Variants in LAMTOR5 observed in about 807,000 individuals in gnomAD.
The protein encoded by LAMTOR5 is ragulator complex protein LAMTOR5.
A neutral mutation model predicts 12.1 loss-of-function variants in LAMTOR5; 8 were observed. That is an observed-to-expected ratio of 0.66 (90% confidence interval 0.39 to 1.19). The LOEUF (loss-of-function observed/expected upper bound fraction) is 1.19. Among genes scored for constraint, LAMTOR5 ranks in the 50% most tolerant of loss-of-function variants. The pLI is 0.01. For missense variants in LAMTOR5, 110 were observed against 112.8 expected, an observed-to-expected ratio of 0.97 and a Z score of 0.11; for synonymous variants, 37 against 41.9, an observed-to-expected ratio of 0.88 and a Z score of 0.45.
chr1:110,406,595 T>G (rs948328512), intron 1 of LAMTOR5: 1 of 354,724 alleles, frequency 2.8e-6, no homozygotes. Context: ...GAGGCCCAGG[T>G]GGGCGGATCA....
chr1:110,401,259 T>G lies in LAMTOR5; in HGVS notation c.*264A>C, dbSNP rs943816142. The G allele has an allele frequency of 1.3e-5, 4 of 309,152 alleles. No homozygotes were observed. The highest frequency in any genetic ancestry group is 2.3e-5 in the Non-Finnish European group (4 of 170,476). 19.2% of individuals were successfully genotyped at this position (309,152 alleles called of 1,614,324 possible). On this transcript the variant is annotated 3_prime_UTR_variant, in exon 4 of 4. Transcript: ENST00000602318. Reference sequence around the variant, plus strand: ...AGAATCTAGAAAAGATCCATTTTCCTCCAAACAGATTTATTGAATACAGCA... The same window carrying G: ...AGAATCTAGAAAAGATCCATTTTCCGCCAAACAGATTTATTGAATACAGCA...
Position 110,403,928 on chromosome 1 carries a change from G to C in LAMTOR5, c.206C>G (p.Ser69Ter), listed in dbSNP as rs749912064. ...GCTGAAATCTACTCACCCATTATCTGATTCTAGACACACCACAGGAATATC... is the reference window on the plus strand; with the variant it reads ...GCTGAAATCTACTCACCCATTATCTCATTCTAGACACACCACAGGAATATC... ...PTDIPVVCLE[S>*]DNGNIMIQKH... The change falls in exon 3 of 4, where the codon TCA becomes TGA. Residue 69 changes from serine (S) to a stop codon, truncating the protein, a stop_gained. Coordinates refer to ENST00000602318, the MANE Select transcript of LAMTOR5 (RefSeq NM_001382293.1). LOFTEE classifies it high-confidence loss of function. The C allele has an allele frequency of 6.2e-7, 1 of 1,613,878 alleles. No homozygotes were observed. Among genetic ancestry groups the C allele is most frequent in the Admixed American group, 1.7e-5 (1 of 59,946 alleles).
At chr1:110,406,059 T>G (rs1663322687) in intron 2 of LAMTOR5, among the ~76,000 whole-genome samples, 1 of 152,252 alleles carries the variant, frequency 6.6e-6, no homozygotes. Context: ...AGACTCAATT[T>G]AAAATGATTC....
intron 1 of LAMTOR5, chr1:110,407,218 A>C: frequency 5.2e-6 from 3 of 578,212 alleles, no homozygotes; most frequent in Non-Finnish European, 6.2e-6. Flanking sequence ...GTGTTTGTTT[A>C]CACTGCAGGG....
chr1:110,403,763 G>A (rs779139203), intron 3 of LAMTOR5, 156 bp downstream of exon 3: 249 of 1,147,532 alleles, frequency 2.2e-4, no homozygotes, highest in Non-Finnish European at 2.8e-4. Context: ...ATTAGCTTTA[G>A]GGATCAACTT....
chr1:110,404,309 G>A (rs1663286774), intron 2 of LAMTOR5, among the ~76,000 whole-genome samples: 1 of 152,210 alleles, frequency 6.6e-6, no homozygotes, highest in South Asian at 2.1e-4. Context: ...TAATAGACAT[G>A]CCACTATGGC....
chr1:110,407,700 G>A (rs1570671797), upstream of LAMTOR5: 1 of 1,614,208 alleles, frequency 6.2e-7, no homozygotes, highest in African/African-American at 1.3e-5. Context: ...CACTTGACGC[G>A]AGCGGGGCGT....
chr1:110,402,028 G>A (rs758291345), intron 3 of LAMTOR5, among the ~76,000 whole-genome samples: 18 of 152,174 alleles, frequency 1.2e-4, no homozygotes, highest in Non-Finnish European at 2.5e-4. Flanking sequence ...ACATATGATG[G>A]TGGTCCCGTA....
intron 1 of LAMTOR5, chr1:110,407,208 G>A (rs186769163): frequency 9.9e-5 from 57 of 576,142 alleles, no homozygotes; most frequent in African/African-American, 9.7e-4. Flanking sequence ...CAGGAGATAC[G>A]TGTTTGTTTA....
intron 2 of LAMTOR5, among the ~76,000 whole-genome samples, chr1:110,405,504 G>T (rs1226795134): frequency 1.3e-5 from 2 of 151,886 alleles, no homozygotes; most frequent in Admixed American, 6.6e-5. Flanking sequence ...TATGTTTATT[G>T]TAAAAATAGA....
In LAMTOR5 at chr1:110,406,204, A is replaced by G. The variant is rs1213490782; in HGVS notation, c.97+114T>C. ...AGATAATCTCTACTCTCAAACTCAG[A>G]AAGACCTGGCAAGGTAACAGGAAAT... On this transcript the variant is annotated intron_variant, in intron 2 of 3. Transcript: ENST00000602318. The G allele has an allele frequency of 1.6e-5, 10 of 619,216 alleles. No homozygotes were observed. The East Asian group carries it at 2.5e-4, about 15-fold the overall frequency. 38.4% of individuals were successfully genotyped at this position (619,216 alleles called of 1,614,324 possible).
chr1:110,406,953 C>G, intron 1 of LAMTOR5: 1 of 625,058 alleles, frequency 1.6e-6, no homozygotes, highest in Non-Finnish European at 2.9e-6. Context: ...TGAAAAACAT[C>G]TAGGATGTTT....
intron 3 of LAMTOR5, among the ~76,000 whole-genome samples, chr1:110,402,010 T>C (rs1322106289): frequency 1.3e-5 from 2 of 152,230 alleles, no homozygotes; most frequent in African/African-American, 2.4e-5. Flanking sequence ...CAGTCAACAG[T>C]GGACCCTACA....
chr1:110,406,278 C>T, intron 2 of LAMTOR5, 40 bp downstream of exon 2: 1 of 1,366,802 alleles, frequency 7.3e-7, no homozygotes, highest in South Asian at 1.3e-5. Context: ...ACATCAGATG[C>T]TATGCAATTC....
chr1:110,401,673 T>C (rs1329699439), intron 3 of LAMTOR5, 90 bp from the exon 4 acceptor site: 11 of 1,342,244 alleles, frequency 8.2e-6, no homozygotes, highest in Admixed American at 1.9e-5. Flanking sequence ...GGATACAATA[T>C]TTAAAATAAT....
intron 2 of LAMTOR5, among the ~76,000 whole-genome samples, chr1:110,404,272 G>A (rs1274478796): frequency 1.3e-5 from 2 of 151,540 alleles, no homozygotes; most frequent in East Asian, 1.9e-4. Context: ...GCAACACAAA[G>A]TTAACTGTAC....
chr1:110,405,013 A>C (rs1270399738), intron 2 of LAMTOR5, among the ~76,000 whole-genome samples: 1 of 148,378 alleles, frequency 6.7e-6, no homozygotes, highest in African/African-American at 2.5e-5. Context: ...GTGCCACTGC[A>C]CTCTAGCCTG....
At chr1:110,405,384 C>T (rs1663307109) in intron 2 of LAMTOR5, among the ~76,000 whole-genome samples, 1 of 152,046 alleles carries the variant, frequency 6.6e-6, no homozygotes, top group Non-Finnish European at 1.5e-5. Flanking sequence ...AGGCTAGTCT[C>T]GAACTCCTGA....
Position 110,407,666 on chromosome 1 carries a change from T to C in LAMTOR5, c.-46A>G. The C allele has an allele frequency of 6.2e-7, 1 of 1,614,126 alleles. No homozygotes were observed. Among genetic ancestry groups the C allele is most frequent in the African/African-American group, 1.3e-5 (1 of 75,028 alleles). On this transcript the variant is annotated 5_prime_UTR_variant, in exon 1 of 4. Coordinates refer to ENST00000602318, the MANE Select transcript of LAMTOR5 (RefSeq NM_001382293.1). ...GCTCAGAACCCAGCGGCACGGCACGTCCTTCTCCACCACAGGCCTCAGTCA... is the reference window on the plus strand; with the variant it reads ...GCTCAGAACCCAGCGGCACGGCACGCCCTTCTCCACCACAGGCCTCAGTCA...
Sources: gnomAD v4.1 joint callset for allele counts (sites outside exome capture counted in the v4.1 genomes callset) on GRCh38, gnomAD v4.1.1 for gene constraint, MANE v1.5 for transcripts, NCBI Gene and HGNC (gene_info 2026-07-23, HGNC 2026-07-21) for gene names.